The following COL12A1 variants were observed in gnomAD, a reference collection of about 807,000 sequenced individuals.
COL12A1 encodes collagen alpha-1(XII) chain.
Under a neutral mutation model 349.7 loss-of-function variants are expected in COL12A1, and 114 were observed. That is an observed-to-expected ratio of 0.33 (90% CI 0.28 to 0.38). The LOEUF (loss-of-function observed/expected upper bound fraction) is 0.38. COL12A1 is among the 10% of genes least tolerant of loss of function. The pLI, the probability that COL12A1 is intolerant of heterozygous loss-of-function variation, is 1.00. For synonymous variants in COL12A1, 1,369 were observed against 1,329.0 expected (o/e 1.03, Z -0.66); for missense variants, 3,284 against 3,756.9 (o/e 0.87, Z 3.29).
At position 75,202,803 on chromosome 6, in the gene COL12A1, C is replaced by G. The variant is rs745772474; in HGVS notation, c.-11G>C. ...AAGCCTACTCCGCATCCTTGGCCTC[C>G]GAGCTTACAGCGGCATGAAGAGATC... On this transcript the variant is annotated 5_prime_UTR_variant, in exon 2 of 66. Transcript: ENST00000322507. 1.3e-6 allele frequency: 2 copies of G among 1,551,636 alleles called. No homozygotes were observed. The highest frequency in any genetic ancestry group is 2.0e-5 in the Admixed American group (1 of 51,014).
intron 21 of COL12A1, 147 bp downstream of exon 21, chr6:75,150,994 C>T: frequency 2.0e-6 from 1 of 509,456 alleles, no homozygotes; most frequent in Non-Finnish European, 3.2e-6. Context: ...TTAGGGGATG[C>T]TACTGACATC....
At chr6:75,127,570 A>G (rs1461214644) in intron 38 of COL12A1, among the ~76,000 whole-genome samples, 1 of 152,140 alleles carries the variant, frequency 6.6e-6, no homozygotes, top group Non-Finnish European at 1.5e-5. Flanking sequence ...AGTTCATCCT[A>G]CCTTTATGCT....
intron 58 of COL12A1, among the ~76,000 whole-genome samples, chr6:75,099,708 C>T (rs771658351): frequency 1.6e-4 from 24 of 152,222 alleles, no homozygotes; most frequent in African/African-American, 4.3e-4. Context: ...AGACTGATGG[C>T]CATTTTCATA....
chr6:75,102,125 C>T, intron 56 of COL12A1, 73 bp from the exon 57 acceptor site: 1 of 1,379,902 alleles, frequency 7.2e-7, no homozygotes, highest in Non-Finnish European at 1.0e-6. Context: ...ACATGAGTCA[C>T]TTATGAAATC....
At chr6:75,102,564 C>A in intron 56 of COL12A1, 33 bp downstream of exon 56, 1 of 1,407,760 alleles carries the variant, frequency 7.1e-7, no homozygotes, top group Non-Finnish European at 9.5e-7. Flanking sequence ...TTATCCACCA[C>A]TCTCATTTAA....
intron 14 of COL12A1, 24 bp from the exon 15 acceptor site, chr6:75,156,547 A>C (rs941952361): frequency 1.2e-6 from 2 of 1,608,978 alleles, no homozygotes; most frequent in Admixed American, 3.4e-5. Flanking sequence ...GGAAGATTAA[A>C]CTGTATACCA....
chr6:75,126,269 C>G, intron 39 of COL12A1, 82 bp downstream of exon 39: 1 of 1,477,528 alleles, frequency 6.8e-7, no homozygotes, highest in Non-Finnish European at 9.2e-7. Context: ...GAGAACCCAA[C>G]AGTGGGGGAT....
At chr6:75,131,911 A>C in intron 35 of COL12A1, 29 bp downstream of exon 35, 1 of 1,612,088 alleles carries the variant, frequency 6.2e-7, no homozygotes, top group Non-Finnish European at 8.5e-7. Flanking sequence ...TTCACCAGGA[A>C]ATGCAGTTTC....
chr6:75,183,782 C>A, intron 9 of COL12A1, 72 bp downstream of exon 9: 1 of 1,569,352 alleles, frequency 6.4e-7, no homozygotes, highest in South Asian at 1.2e-5. Flanking sequence ...AAAACTAAGT[C>A]CAAACAAGTA....
chr6:75,149,198 C>T (rs1767356482), intron 21 of COL12A1, among the ~76,000 whole-genome samples: 1 of 152,108 alleles, frequency 6.6e-6, no homozygotes, highest in Non-Finnish European at 1.5e-5. Context: ...TCTCTCTACC[C>T]TTGTACATAT....
At chr6:75,122,432 G>A (rs2149371174) in intron 43 of COL12A1, among the ~76,000 whole-genome samples, 1 of 152,208 alleles carries the variant, frequency 6.6e-6, no homozygotes, top group Middle Eastern at 3.4e-3. Flanking sequence ...GTGGGGAAGG[G>A]CAGTCTGTCT....
chr6:75,168,705 TC>T (rs1768449212), intron 13 of COL12A1, among the ~76,000 whole-genome samples: 1 of 152,232 alleles, frequency 6.6e-6, no homozygotes, highest in Non-Finnish European at 1.5e-5. Flanking sequence ...CTTTATTCTT[TC>T]CCCTTTTTGC....
intron 21 of COL12A1, 50 bp downstream of exon 21, chr6:75,151,091 G>A: frequency 2.7e-6 from 1 of 376,454 alleles, no homozygotes; most frequent in Non-Finnish European, 4.7e-6. Flanking sequence ...TAATTATTTG[G>A]CCCAAAATAC....
chr6:75,098,316 TTA>T (rs1394679606), intron 58 of COL12A1, among the ~76,000 whole-genome samples: 2 of 152,160 alleles, frequency 1.3e-5, no homozygotes, highest in Non-Finnish European at 2.9e-5. Context: ...GCAGGACTAT[TTA>T]TGTCTCCACT....
intron 12 of COL12A1, among the ~76,000 whole-genome samples, chr6:75,177,208 G>A (rs997782715): frequency 6.6e-6 from 1 of 152,060 alleles, no homozygotes; most frequent in Non-Finnish European, 1.5e-5. Flanking sequence ...AGGCCATGTC[G>A]GCCAGATCAC....
At chr6:75,194,408 G>C (rs564557095) in intron 3 of COL12A1, among the ~76,000 whole-genome samples, 52 of 152,252 alleles carry the variant, frequency 3.4e-4, no homozygotes, top group African/African-American at 1.3e-3. Flanking sequence ...CATTATCACA[G>C]AATGGTGTTT....
rs1303040176 is a variant in COL12A1, at chr6:75,177,873, A to C, written c.2227T>G (p.Trp743Gly). Residue 743 changes from tryptophan (W) to glycine (G), a missense_variant, in exon 12 of 66, where the codon TGG (tryptophan) becomes GGG (glycine). Trp to Gly is a radical substitution (Grantham distance 184). This residue lies in a region of COL12A1 where 2,601 missense variants were observed against 2,824.8 expected (regional missense o/e 0.92). Transcript: ENST00000322507. ...DETTDSFKIT[W>G]TQAPGRVLRY... ...AAAACTCTCCCTGGAGCTTGAGTCC[A>C]AGTAATTTTGAAACTATCTGTAGTC... The C allele has an allele frequency of 6.2e-7, 1 of 1,613,648 alleles. No individual in the cohort carries two copies. Among genetic ancestry groups the C allele is most frequent in the Non-Finnish European group, 8.5e-7 (1 of 1,180,020 alleles).
At chr6:75,175,443 T>C in intron 12 of COL12A1, 133 bp from the exon 13 acceptor site, 5 of 1,056,052 alleles carry the variant, frequency 4.7e-6, no homozygotes, top group Non-Finnish European at 6.7e-6. Context: ...CAATTTTAAC[T>C]GTTGACCAGC....
At chr6:75,133,546 A>C in intron 33 of COL12A1, 124 bp from the exon 34 acceptor site, 6 of 978,744 alleles carry the variant, frequency 6.1e-6, no homozygotes, top group Non-Finnish European at 8.9e-6. Context: ...TTAGGATGTC[A>C]TAATAAGCCC....
Sources: allele counts gnomAD v4.1 joint callset (sites outside exome capture counted in the v4.1 genomes callset), GRCh38; gene constraint gnomAD v4.1.1; regional missense constraint gnomAD v4.1.1; transcripts MANE v1.5; gene names NCBI Gene and HGNC (gene_info 2026-07-23, HGNC 2026-07-21).